The following HPSE2 variants were observed in gnomAD, a reference collection of about 807,000 sequenced individuals.
The protein encoded by HPSE2 is heparanase 2 (inactive).
Under a neutral mutation model 60.5 loss-of-function variants are expected in HPSE2, and 38 were observed. That is an observed-to-expected ratio of 0.63 (90% CI 0.48 to 0.82). The LOEUF (loss-of-function observed/expected upper bound fraction) is 0.82. HPSE2 is among the 40% of genes least tolerant of loss of function. HPSE2 has a pLI of 0.00. For synonymous variants in HPSE2, 295 were observed against 293.2 expected, an observed-to-expected ratio of 1.01 and a Z score of -0.06; for missense variants, 713 against 740.4, an observed-to-expected ratio of 0.96 and a Z score of 0.43.
intron 2 of HPSE2, among the ~76,000 whole-genome samples, chr10:99,144,706 T>C (rs1845985261): frequency 6.6e-6 from 1 of 152,214 alleles, no homozygotes; most frequent in African/African-American, 2.4e-5. Context: ...CCTGGGGCCT[T>C]TTCTTAACAT....
intron 3 of HPSE2, among the ~76,000 whole-genome samples, chr10:98,833,938 GC>G (rs1951737017): frequency 6.6e-6 from 1 of 151,942 alleles, no homozygotes; most frequent in Non-Finnish European, 1.5e-5. Context: ...CAGACTTTAA[GC>G]AAGAAATAAA....
intron 3 of HPSE2, among the ~76,000 whole-genome samples, chr10:98,952,726 T>C (rs1156351938): frequency 6.6e-6 from 1 of 152,134 alleles, no homozygotes. Flanking sequence ...GGTAGGGTTC[T>C]GGTGAGGGCT....
intron 5 of HPSE2, among the ~76,000 whole-genome samples, chr10:98,720,653 A>G (rs777133224): frequency 2.6e-5 from 4 of 152,174 alleles, no homozygotes; most frequent in Admixed American, 6.6e-5. Context: ...AAAGAAATAA[A>G]TAACCGATTT....
chr10:98,606,983 C>T (rs959029174), intron 9 of HPSE2, among the ~76,000 whole-genome samples: 9 of 152,144 alleles, frequency 5.9e-5, no homozygotes, highest in African/African-American at 2.2e-4. Flanking sequence ...TCGTGGCATT[C>T]ACAAAAGTGC....
At chr10:99,225,673 G>C (rs1849449502) in intron 2 of HPSE2, among the ~76,000 whole-genome samples, 1 of 152,038 alleles carries the variant, frequency 6.6e-6, no homozygotes, top group South Asian at 2.1e-4. Context: ...TTTGGAAAGG[G>C]AAGATGGGAG....
Position 98,973,872 on chromosome 10 carries a change from A to G in HPSE2, c.610+170366T>C, listed in dbSNP as rs116327011. Among the ~76,000 whole-genome samples, 1,303 of 152,222 alleles carry G rather than the reference A, an allele frequency of 8.6e-3. 15 individuals are homozygous for G. The highest frequency in any genetic ancestry group is 0.03 in the African/African-American group (1,249 of 41,534). ...AAAGGAAAAAAAGGGGGGGGGAGATATAATTTATTTTAAAATACTATATTC... is the reference window on the plus strand; with the variant it reads ...AAAGGAAAAAAAGGGGGGGGGAGATGTAATTTATTTTAAAATACTATATTC... On this transcript the variant is annotated intron_variant, in intron 3 of 11. Coordinates refer to ENST00000370552, the MANE Select transcript of HPSE2 (RefSeq NM_021828.5).
intron 2 of HPSE2, among the ~76,000 whole-genome samples, chr10:99,159,586 A>AGT (rs1846738796): frequency 6.6e-6 from 1 of 152,194 alleles, no homozygotes; most frequent in Non-Finnish European, 1.5e-5. Context: ...AGTTTTTGTA[A>AGT]GTCTAAAGTT....
At chr10:99,237,296 C>G (rs1402758962), upstream of HPSE2, among the ~76,000 whole-genome samples, 1 of 152,126 alleles carries the variant, frequency 6.6e-6, no homozygotes, top group East Asian at 1.9e-4. Flanking sequence ...TCCTTGGTAT[C>G]AAACAAGCAA....
intron 3 of HPSE2, among the ~76,000 whole-genome samples, chr10:99,056,339 G>A (rs2135512440): frequency 6.6e-6 from 1 of 152,066 alleles, no homozygotes; most frequent in South Asian, 2.1e-4. Context: ...AAAACTTCAG[G>A]TGCAATTGGG....
At chr10:98,635,786 A>G (rs977254909) in intron 7 of HPSE2, among the ~76,000 whole-genome samples, 3 of 122,552 alleles carry the variant, frequency 2.4e-5, no homozygotes, top group Non-Finnish European at 4.7e-5. Context: ...CATCTCATGA[A>G]AAAAAAAAAA....
chr10:99,235,964 T>C, upstream of HPSE2: 1 of 516,958 alleles, frequency 1.9e-6, no homozygotes. Flanking sequence ...GCTCTCTCTC[T>C]CTCTCGCTCG....
At chr10:98,541,074 A>C (rs544991170) in intron 9 of HPSE2, among the ~76,000 whole-genome samples, 43 of 152,336 alleles carry the variant, frequency 2.8e-4, no homozygotes, top group African/African-American at 9.6e-4. Context: ...ATTTTAATGT[A>C]ATAATTTAGA....
intron 3 of HPSE2, among the ~76,000 whole-genome samples, chr10:98,912,765 G>A (rs918531995): frequency 2.0e-5 from 3 of 152,022 alleles, no homozygotes; most frequent in African/African-American, 7.2e-5. Flanking sequence ...GAAGAAGGAT[G>A]ATTACCAGAG....
At chr10:98,829,394 G>A (rs935464336) in intron 3 of HPSE2, among the ~76,000 whole-genome samples, 3 of 152,004 alleles carry the variant, frequency 2.0e-5, no homozygotes, top group African/African-American at 7.2e-5. Context: ...CAGGTGTGGT[G>A]GCGTGGTGAG....
intron 3 of HPSE2, among the ~76,000 whole-genome samples, chr10:98,745,059 A>G (rs1276332906): frequency 6.6e-6 from 1 of 151,888 alleles, no homozygotes; most frequent in Non-Finnish European, 1.5e-5. Flanking sequence ...AAAATTAGCC[A>G]GGCGCGGTGG....
intron 9 of HPSE2, among the ~76,000 whole-genome samples, chr10:98,533,234 C>G (rs1192654592): frequency 6.6e-6 from 1 of 152,184 alleles, no homozygotes; most frequent in Non-Finnish European, 1.5e-5. Flanking sequence ...ACAAATGAAG[C>G]AGCTGTAATG....
At chr10:98,570,745 A>T (rs10748743) in intron 9 of HPSE2, among the ~76,000 whole-genome samples, 41,850 of 151,974 alleles carry the variant, frequency 0.28, 6,185 homozygotes, top group East Asian at 0.48. Flanking sequence ...TAAAGGGTCT[A>T]GGGGTGGACA....
chr10:98,925,783 T>C (rs190272326), intron 3 of HPSE2, among the ~76,000 whole-genome samples: 1 of 152,288 alleles, frequency 6.6e-6, no homozygotes, highest in Admixed American at 6.5e-5. Flanking sequence ...TGGTCCTTTA[T>C]TGTTCTCCTT....
intron 2 of HPSE2, among the ~76,000 whole-genome samples, chr10:99,200,537 C>T (rs1348786120): frequency 2.6e-5 from 4 of 152,070 alleles, no homozygotes; most frequent in African/African-American, 7.2e-5. Flanking sequence ...TCAGCTTAAA[C>T]TTCCTCATTT....
Sources: allele counts gnomAD v4.1 joint callset (sites outside exome capture counted in the v4.1 genomes callset), GRCh38; gene constraint gnomAD v4.1.1; transcripts MANE v1.5; gene names NCBI Gene and HGNC (gene_info 2026-07-23, HGNC 2026-07-21).